The following DOCK11 variants were observed in gnomAD, a reference collection of about 807,000 sequenced individuals.
DOCK11 encodes the protein dedicator of cytokinesis protein 11.
DOCK11 carries 70 observed loss-of-function variants against 169.1 expected under a neutral mutation model. The ratio of observed to expected loss-of-function variants is 0.41; its 90% CI spans 0.34 to 0.51. The LOEUF is 0.51. DOCK11 is among the 20% of genes least tolerant of loss of function. DOCK11 has a pLI of 0.10. For synonymous variants in DOCK11, 529 were observed against 541.3 expected, an observed-to-expected ratio of 0.98 and a Z score of 0.32; for missense variants, 1,166 against 1,538.8, an observed-to-expected ratio of 0.76 and a Z score of 4.05.
intron 45 of DOCK11, among the ~76,000 whole-genome samples, chrX:118,663,035 A>G (rs972957970): frequency 1.8e-5 from 2 of 112,314 alleles, no homozygotes; most frequent in Non-Finnish European, 3.8e-5. Flanking sequence ...TCCAATAACT[A>G]GATAAGAGTC....
chrX:118,609,369 G>T lies in DOCK11; in HGVS notation c.2949+20G>T. 1 of 1,082,272 alleles carries T rather than the reference G, an allele frequency of 9.2e-7. No individual in the cohort carries two copies. Among genetic ancestry groups the T allele is most frequent in the East Asian group, 3.1e-5 (1 of 32,140 alleles). 89.2% of individuals were successfully genotyped at this position (1,082,272 alleles called of 1,213,427 possible). A position where few individuals can be genotyped will look rare whatever the true frequency, so the allele number is the denominator to read the frequency against. On this transcript the variant is annotated intron_variant, in intron 27 of 52. Transcript: ENST00000276202. ...ATTAAGGTAAGTAAATTAAGGTAAA[G>T]AATAACTTTCAATTGGCAAATGATA...
At chrX:118,685,222 G>A (rs2016832146) in intron 52 of DOCK11, among the ~76,000 whole-genome samples, 1 of 111,565 alleles carries the variant, frequency 9.0e-6, no homozygotes, top group Non-Finnish European at 1.9e-5. Context: ...TTAGAAATAT[G>A]CACTTAAGAC....
At chrX:118,612,502 A>C (rs765691765) in intron 28 of DOCK11, among the ~76,000 whole-genome samples, 1 of 112,237 alleles carries the variant, frequency 8.9e-6, no homozygotes, top group South Asian at 3.7e-4. Flanking sequence ...GTCAGCAAAC[A>C]TTGGCTTGAC....
chrX:118,624,084 A>G (rs977273148), intron 31 of DOCK11, among the ~76,000 whole-genome samples: 1 of 112,574 alleles, frequency 8.9e-6, no homozygotes, highest in Admixed American at 9.4e-5. Flanking sequence ...GAATACAGTA[A>G]CTTACCATTT....
chrX:118,524,163 A>G (rs780312001), intron 1 of DOCK11, among the ~76,000 whole-genome samples: 1 of 111,699 alleles, frequency 9.0e-6, no homozygotes, highest in East Asian at 2.8e-4. Flanking sequence ...TTAGTACACA[A>G]GTGCCCCACC....
intron 24 of DOCK11, among the ~76,000 whole-genome samples, chrX:118,607,385 G>A (rs1285883108): frequency 2.0e-5 from 2 of 100,944 alleles, no homozygotes; most frequent in Non-Finnish European, 4.0e-5. Flanking sequence ...AAAGTGCTGG[G>A]ATTACAAGCA....
chrX:118,609,436 C>G (rs2014622317), intron 27 of DOCK11, 87 bp downstream of exon 27: 5 of 693,933 alleles, frequency 7.2e-6, no homozygotes, highest in Non-Finnish European at 1.0e-5. Context: ...ACAAAAAAAG[C>G]TAATCTTACT....
At position 118,669,658 on chromosome X, in the gene DOCK11, G is replaced by T. The variant is rs1603181932; in HGVS notation, c.5077-1365G>T. Reference sequence around the variant, plus strand: ...CTTGGGGGTTAGGATTTTAACATACGCATTCTGAGTACACAGAAACATTCA... The same window carrying T: ...CTTGGGGGTTAGGATTTTAACATACTCATTCTGAGTACACAGAAACATTCA... On this transcript the variant is annotated intron_variant, in intron 45 of 52. Coordinates refer to ENST00000276202, the MANE Select transcript of DOCK11 (RefSeq NM_144658.4). 2.7e-5 allele frequency among the ~76,000 whole-genome samples: 3 copies of T among 112,056 alleles called. No individual in the cohort carries two copies. In the South Asian group the frequency reaches 1.1e-3, roughly 41 times the overall value.
intron 1 of DOCK11, among the ~76,000 whole-genome samples, chrX:118,527,500 T>C (rs2011404561): frequency 8.9e-6 from 1 of 111,912 alleles, no homozygotes; most frequent in South Asian, 3.7e-4. Flanking sequence ...CTTATATTAC[T>C]GGGAACACCG....
Position 118,557,976 on chromosome X carries a change from CT to C in DOCK11, c.559-3391del, listed in dbSNP as rs761127913. Among the ~76,000 whole-genome samples, 605 of 90,496 alleles carry C rather than the reference CT, an allele frequency of 6.7e-3. 8 individuals are homozygous for C. The highest frequency in any genetic ancestry group is 0.02 in the African/African-American group (509 of 24,899). The allele number at this position is 90,496 out of a possible 115,157, so 78.6% of individuals were successfully genotyped here. A position where few individuals can be genotyped will look rare whatever the true frequency, so the allele number is the denominator to read the frequency against. ...CTATCAGTGACTTGCCTGTGTGAACCTTTTTTTTTTTTTTTTGAGACGGAGT... is the reference window on the plus strand; with the variant it reads ...CTATCAGTGACTTGCCTGTGTGAACCTTTTTTTTTTTTTTTGAGACGGAGT... On this transcript the variant is annotated intron_variant, in intron 6 of 52. Transcript: ENST00000276202.
intron 4 of DOCK11, 83 bp downstream of exon 4, chrX:118,543,676 T>C (rs899910937): frequency 3.6e-6 from 3 of 837,817 alleles, no homozygotes; most frequent in Non-Finnish European, 3.5e-6. Context: ...TGAGGCCGGG[T>C]GCAGTGGCTC....
At chrX:118,681,621 AAG>A (rs1330522108) in intron 50 of DOCK11, 71 bp from the exon 51 acceptor site, 6 of 798,555 alleles carry the variant, frequency 7.5e-6, no homozygotes, top group African/African-American at 6.5e-5. Flanking sequence ...TTTAATAAAA[AAG>A]AGAAATGCCA....
chrX:118,590,422 A>C, intron 19 of DOCK11, 120 bp downstream of exon 19: 1 of 590,694 alleles, frequency 1.7e-6, no homozygotes, highest in Non-Finnish European at 2.7e-6. Context: ...CCATGAAAAC[A>C]GAAAATATTA....
chrX:118,578,626 C>A lies in DOCK11; in HGVS notation c.1491C>A (p.Ile497=), dbSNP rs2013528865. ...TTACACACTGTGCAGAACCCTATATCAAAAATTCTGATCCAGTAAAGGTAA... is the reference window on the plus strand; with the variant it reads ...TTACACACTGTGCAGAACCCTATATAAAAAATTCTGATCCAGTAAAGGTAA... ...GNITHCAEPY[I]KNSDPVKTAQ... The change falls in exon 13 of 53, where the codon ATC becomes ATA. Residue 497 remains isoleucine (I), a synonymous_variant. Coordinates refer to ENST00000276202, the MANE Select transcript of DOCK11 (RefSeq NM_144658.4). The A allele has an allele frequency of 1.7e-6, 2 of 1,202,189 alleles. No individual in the cohort carries two copies. The highest frequency in any genetic ancestry group is 2.2e-6 in the Non-Finnish European group (2 of 890,165).
At chrX:118,651,030 C>T (rs1248568988) in intron 41 of DOCK11, among the ~76,000 whole-genome samples, 1 of 111,777 alleles carries the variant, frequency 8.9e-6, no homozygotes, top group Admixed American at 9.6e-5. Flanking sequence ...CTCTAGAGCC[C>T]ATACACATGG....
At chrX:118,519,110 A>T (rs988917976) in intron 1 of DOCK11, among the ~76,000 whole-genome samples, 10 of 111,892 alleles carry the variant, frequency 8.9e-5, no homozygotes, top group Admixed American at 7.6e-4. Flanking sequence ...GGAAGCTTGC[A>T]TTCCCAGCTC....
intron 1 of DOCK11, among the ~76,000 whole-genome samples, chrX:118,518,296 C>T (rs2147319364): frequency 8.9e-6 from 1 of 111,739 alleles, no homozygotes; most frequent in African/African-American, 3.3e-5. Context: ...GGGGCTCTTT[C>T]CCTCTCTACT....
rs1426146497 is a variant in DOCK11 at position 118,685,000 on chromosome X, G to GT, written c.6103-682dup. 2.7e-5 allele frequency among the ~76,000 whole-genome samples: 3 copies of GT among 111,271 alleles called. No individual in the cohort carries two copies. In the Admixed American group the frequency reaches 2.9e-4, roughly 11 times the overall value. ...AGAGAGTGGATATAATGTATATAGC[G>GT]TTTTTTACCTCAATCTACTTTAAGC... On this transcript the variant is annotated intron_variant, in intron 52 of 52. Coordinates refer to ENST00000276202, the MANE Select transcript of DOCK11 (RefSeq NM_144658.4).
intron 35 of DOCK11, among the ~76,000 whole-genome samples, chrX:118,631,545 G>C (rs937402899): frequency 9.0e-6 from 1 of 111,706 alleles, no homozygotes; most frequent in African/African-American, 3.3e-5. Flanking sequence ...TGTGGTGAAG[G>C]TTTCCTTAGT....
Sources: allele counts gnomAD v4.1 joint callset (sites outside exome capture counted in the v4.1 genomes callset), GRCh38; gene constraint gnomAD v4.1.1; transcripts MANE v1.5; gene names NCBI Gene and HGNC (gene_info 2026-07-23, HGNC 2026-07-21).